LTBP1: variants seen among roughly 807,000 people sequenced by gnomAD.
LTBP1 encodes the protein latent-transforming growth factor beta-binding protein 1.
A neutral mutation model predicts 207.6 loss-of-function variants in LTBP1; 129 were observed. The observed-to-expected ratio is 0.62, with a 90% CI of 0.54 to 0.72. The LOEUF is 0.72. Ranked by LOEUF, LTBP1 falls within the 30% of genes least tolerant of loss-of-function variation. LTBP1 has a pLI of 0.00. For missense variants in LTBP1, 2,281 were observed against 2,217.2 expected, an observed-to-expected ratio of 1.03 and a Z score of -0.58; for synonymous variants, 963 against 833.7, an observed-to-expected ratio of 1.16 and a Z score of -2.67.
intron 24 of LTBP1, among the ~76,000 whole-genome samples, chr2:33,325,784 T>G (rs908635347): frequency 6.6e-6 from 1 of 152,208 alleles, no homozygotes; most frequent in Non-Finnish European, 1.5e-5. Context: ...GCTAAAACAC[T>G]CCACTTTTTT....
intron 3 of LTBP1, among the ~76,000 whole-genome samples, chr2:33,074,293 T>A (rs1216313221): frequency 2.0e-5 from 3 of 152,218 alleles, no homozygotes; most frequent in African/African-American, 7.2e-5. Context: ...AATGATTATT[T>A]TGCCACCATT....
rs141327380 is a variant in LTBP1, at chr2:33,371,922, G to C, written c.4711+6419G>C. ...AATCTGGTGGTGTCCCACCCAGCAC[G>C]TGGACCATCCCTTTGTCCATGGTGT... On this transcript the variant is annotated intron_variant, in intron 31 of 33. Transcript: ENST00000404816. Among the ~76,000 whole-genome samples the C allele has an allele frequency of 1.4e-3, 216 of 152,310 alleles. 1 individual carries two copies. The highest frequency in any genetic ancestry group is 5.0e-3 in the African/African-American group (207 of 41,570).
intron 22 of LTBP1, among the ~76,000 whole-genome samples, chr2:33,307,778 C>A (rs2094122172): frequency 6.6e-6 from 1 of 152,110 alleles, no homozygotes; most frequent in Non-Finnish European, 1.5e-5. Flanking sequence ...GGGTCAGTAC[C>A]CGGAAGCATT....
At chr2:33,143,607 G>A (rs2082797776) in intron 5 of LTBP1, among the ~76,000 whole-genome samples, 1 of 152,118 alleles carries the variant, frequency 6.6e-6, no homozygotes, top group Admixed American at 6.5e-5. Context: ...TTTTAACACT[G>A]ACTTCACTGT....
intron 19 of LTBP1, among the ~76,000 whole-genome samples, chr2:33,283,542 T>C (rs1324392771): frequency 1.4e-5 from 2 of 146,928 alleles, no homozygotes; most frequent in Non-Finnish European, 1.5e-5. Context: ...ATTCACGCCA[T>C]TCTCCTACCT....
chr2:33,250,044 T>C (rs2149895980), intron 10 of LTBP1, among the ~76,000 whole-genome samples: 1 of 152,200 alleles, frequency 6.6e-6, no homozygotes, highest in East Asian at 1.9e-4. Flanking sequence ...GTTAAAGATA[T>C]TCAGACAATA....
chr2:33,134,700 C>A lies in LTBP1; in HGVS notation c.1034-93C>A. 1 of 1,606,734 alleles carries A rather than the reference C, an allele frequency of 6.2e-7. No homozygotes were observed. ...TTTTCCCCTCTTGCTCCTTTCTTTTCTTTTTTTCTGTTTTTTTAAACCTTC... is the reference window on the plus strand; with the variant it reads ...TTTTCCCCTCTTGCTCCTTTCTTTTATTTTTTTCTGTTTTTTTAAACCTTC... On this transcript the variant is annotated intron_variant, in intron 4 of 33. Coordinates refer to ENST00000404816, the MANE Select transcript of LTBP1 (RefSeq NM_206943.4). The surrounding 1 kb of genome is among the most constrained non-coding windows in gnomAD (Gnocchi z 4.4).
intron 2 of LTBP1, among the ~76,000 whole-genome samples, chr2:33,003,368 T>C (rs1686327074): frequency 6.6e-6 from 1 of 152,168 alleles, no homozygotes; most frequent in Admixed American, 6.5e-5. Context: ...CCATCCCCAA[T>C]TTATAGATGT....
At chr2:33,347,245 G>T (rs1449555600) in intron 25 of LTBP1, 122 bp from the exon 26 acceptor site, 5 of 1,028,638 alleles carry the variant, frequency 4.9e-6, no homozygotes, top group Non-Finnish European at 7.2e-6. Context: ...GAAGGGGTTT[G>T]ACTGCTCTCT....
chr2:33,289,232 G>T (rs1428795280), intron 19 of LTBP1, among the ~76,000 whole-genome samples: 1 of 152,194 alleles, frequency 6.6e-6, no homozygotes, highest in Non-Finnish European at 1.5e-5. Flanking sequence ...TGCCTACCAA[G>T]TCTGACCTGA....
chr2:33,110,298 G>C (rs1250719254), intron 3 of LTBP1, among the ~76,000 whole-genome samples: 1 of 152,164 alleles, frequency 6.6e-6, no homozygotes, highest in Admixed American at 6.5e-5. Flanking sequence ...TGGCAGTTGT[G>C]CTCTGAATCC....
intron 5 of LTBP1, among the ~76,000 whole-genome samples, chr2:33,163,367 T>C (rs950085563): frequency 6.6e-6 from 1 of 152,208 alleles, no homozygotes; most frequent in African/African-American, 2.4e-5. Context: ...GCCTTAAAAT[T>C]ATTCTGGACA....
At chr2:33,260,514 G>C (rs11675702) in intron 13 of LTBP1, among the ~76,000 whole-genome samples, 7 of 152,068 alleles carry the variant, frequency 4.6e-5, no homozygotes, top group Non-Finnish European at 8.8e-5. Context: ...ACATACATGA[G>C]TTATTTTAAA....
intron 3 of LTBP1, among the ~76,000 whole-genome samples, chr2:33,051,857 C>G (rs1032453523): frequency 6.6e-5 from 10 of 152,156 alleles, no homozygotes; most frequent in Non-Finnish European, 1.3e-4. Flanking sequence ...TCAACTCTCC[C>G]CAGGAAATGT....
intron 19 of LTBP1, among the ~76,000 whole-genome samples, chr2:33,283,903 A>G (rs1210970849): frequency 2.6e-5 from 4 of 152,222 alleles, no homozygotes; most frequent in Non-Finnish European, 4.4e-5. Flanking sequence ...ATGTTTTTAC[A>G]TTGTTATAAT....
At position 33,134,482 on chromosome 2, in the gene LTBP1, C is replaced by A; in HGVS notation, c.1034-311C>A. 1 of 1,206,532 alleles carries A rather than the reference C, an allele frequency of 8.3e-7. No individual in the cohort carries two copies. The highest frequency in any genetic ancestry group is 1.2e-6 in the Non-Finnish European group (1 of 865,988). 74.7% of individuals were successfully genotyped at this position (1,206,532 alleles called of 1,614,324 possible). On this transcript the variant is annotated intron_variant, in intron 4 of 33. Transcript: ENST00000404816. This position sits in a 1 kb window ranked among gnomAD's most constrained non-coding sequence, Gnocchi z 4.4. ...GCCCTCGGTATTGCTCTTTGTCTGC[C>A]CGTGAATAAAGTGCAGCATTGTGGT...
intron 3 of LTBP1, among the ~76,000 whole-genome samples, chr2:33,057,450 G>T (rs940587449): frequency 6.6e-6 from 1 of 152,244 alleles, no homozygotes; most frequent in Non-Finnish European, 1.5e-5. Flanking sequence ...TTGGGCAGTC[G>T]ATGGGACTGG....
intron 3 of LTBP1, among the ~76,000 whole-genome samples, chr2:33,088,982 C>G (rs190032044): frequency 4.9e-4 from 74 of 151,462 alleles, no homozygotes; most frequent in Middle Eastern, 3.4e-3. Context: ...ATGTTGAAAC[C>G]CTGTGTCTAC....
chr2:32,979,774 G>A (rs931883549), intron 2 of LTBP1, among the ~76,000 whole-genome samples: 9 of 152,090 alleles, frequency 5.9e-5, no homozygotes, highest in African/African-American at 2.2e-4. Flanking sequence ...CTGAAAGTGT[G>A]CAGTGTTAAA....
Sources: gnomAD v4.1 joint callset for allele counts (sites outside exome capture counted in the v4.1 genomes callset) on GRCh38, gnomAD v4.1.1 for gene constraint, Gnocchi (gnomAD v3.1) non-coding constraint, MANE v1.5 for transcripts, NCBI Gene and HGNC (gene_info 2026-07-23, HGNC 2026-07-21) for gene names.